The following RHBDF1 variants were observed in gnomAD, a reference collection of about 807,000 sequenced individuals.
RHBDF1 encodes the protein rhomboid 5 homolog 1, also known as inactive rhomboid protein 1.
Under a neutral mutation model 98.6 loss-of-function variants are expected in RHBDF1, and 80 were observed. The ratio of observed to expected loss-of-function variants is 0.81; its 90% CI spans 0.68 to 0.98. The LOEUF is 0.98. RHBDF1 is among the 50% of genes least tolerant of loss of function. RHBDF1 has a pLI of 0.00. For synonymous variants in RHBDF1, 512 were observed against 486.8 expected (o/e 1.05, Z -0.68); for missense variants, 1,116 against 1,198.3 (o/e 0.93, Z 1.01).
intron 17 of RHBDF1, 48 bp from the exon 18 acceptor site, chr16:58,807 C>T: frequency 1.3e-6 from 2 of 1,588,628 alleles, no homozygotes; most frequent in East Asian, 2.2e-5. Context: ...TGGGCAGGCC[C>T]CCTGGACCCA....
intron 1 of RHBDF1, among the ~76,000 whole-genome samples, chr16:71,753 C>T (rs572701329): frequency 3.3e-5 from 5 of 152,188 alleles, no homozygotes. Context: ...CCTGCCCATT[C>T]CCCGCCCAGC....
In RHBDF1 at chr16:61,297, ACGAGCGG is replaced by A; in HGVS notation, c.1396-23_1396-17del. On this transcript the variant is annotated splice_polypyrimidine_tract_variant and intron_variant, in intron 10 of 17. Transcript: ENST00000262316. ...TGAGGGCCTCCTGCGGGCGAGGGAG[ACGAGCGG>A]CCGCAGTCCGGGGCCTCCTGCCCCC... 1 of 1,542,020 alleles carries A rather than the reference ACGAGCGG, an allele frequency of 6.5e-7. No homozygotes were observed. Among genetic ancestry groups the A allele is most frequent in the Non-Finnish European group, 8.7e-7 (1 of 1,143,292 alleles).
chr16:68,386 C>A (rs1037202026), intron 1 of RHBDF1, among the ~76,000 whole-genome samples: 1 of 152,178 alleles, frequency 6.6e-6, no homozygotes, highest in East Asian at 1.9e-4. Flanking sequence ...GGCCAGGGAG[C>A]GGCACATTGC....
Position 63,668 on chromosome 16 carries a change from G to A in RHBDF1, c.381C>T (p.Pro127=). ...TGGTCAGCGACACGTTGTCCTGGCT[G>A]GGCAGGTCCAGCTCCCGGAGGACCT... is the stretch of plus-strand genomic sequence containing the variant. The part of the protein sequence containing the change: ...KPQVLRELDL[P]SQDNVSLTST... The change falls in exon 4 of 18, where the codon CCC becomes CCT. Residue 127 remains proline (P), a synonymous_variant. Transcript: ENST00000262316. 6.2e-7 allele frequency: 1 copy of A among 1,612,244 alleles called. No individual in the cohort carries two copies. Among genetic ancestry groups the A allele is most frequent in the Non-Finnish European group, 8.5e-7 (1 of 1,179,576 alleles).
intron 3 of RHBDF1, chr16:64,174 G>A (rs1897755597): frequency 9.2e-7 from 1 of 1,088,560 alleles, no homozygotes; most frequent in Non-Finnish European, 1.3e-6. Context: ...TACGGGCCCA[G>A]GCAGGCTGTC....
At chr16:60,785 A>G (rs1273874185) in intron 11 of RHBDF1, 1 of 569,680 alleles carries the variant, frequency 1.8e-6, no homozygotes, top group African/African-American at 1.9e-5. Flanking sequence ...GGACTACGGC[A>G]CTTCCACATA....
At chr16:74,516 T>C (rs549998561), upstream of RHBDF1, among the ~76,000 whole-genome samples, 7 of 152,204 alleles carry the variant, frequency 4.6e-5, no homozygotes, top group African/African-American at 1.7e-4. Context: ...TCACCTTCAG[T>C]GGGGAGCATG....
chr16:60,714 A>G, intron 11 of RHBDF1, 175 bp from the exon 12 acceptor site: 2 of 590,538 alleles, frequency 3.4e-6, no homozygotes, highest in South Asian at 4.1e-5. Flanking sequence ...GTTTGACGGC[A>G]TAATTCCTGT....
intron 13 of RHBDF1, 151 bp downstream of exon 13, chr16:60,065 T>G: frequency 6.7e-7 from 1 of 1,501,332 alleles, no homozygotes; most frequent in South Asian, 1.3e-5. Context: ...CGCTGGTTGA[T>G]GGACAGGCTG....
At position 58,403 on chromosome 16, in the gene RHBDF1, G is replaced by A. The variant is rs1197351309; in HGVS notation, c.2505C>T (p.Leu835=). ...ACTTGTCAGTGAAGGGGATGCAGGT[G>A]AGGAACTCACACCACTCACAGCGGA... The part of the protein sequence containing the change: ...YPVRCEWCEF[L]TCIPFTDKFC... Residue 835 remains leucine, a synonymous_variant, in exon 18 of 18, where the codon CTC becomes CTT. Transcript: ENST00000262316. 2 of 1,613,854 alleles carry A rather than the reference G, an allele frequency of 1.2e-6. No individual in the cohort carries two copies. Among genetic ancestry groups the A allele is most frequent in the East Asian group, 2.2e-5 (1 of 44,894 alleles).
rs1311384919 is a variant in RHBDF1, at chr16:59,741, G to C, written c.1808C>G (p.Thr603Ser). 1.2e-6 allele frequency: 2 copies of C among 1,613,942 alleles called. No homozygotes were observed. Among genetic ancestry groups the C allele is most frequent in the Non-Finnish European group, 8.5e-7 (1 of 1,179,990 alleles). Residue 603 changes from threonine to serine, a missense_variant, in exon 14 of 18, where the codon ACC becomes AGC. Physicochemically the swap from Thr to Ser is moderately conservative, Grantham distance 58. Transcript: ENST00000262316. ...VITGRPCCIG[T>S]KGRCEITSRE... ...TGGCACGCACACGTACCTGCCCTTG[G>C]TGCCAATGCAGCAGGGCCGTCCTGT...
chr16:67,305 T>A (rs1210687263), intron 1 of RHBDF1, among the ~76,000 whole-genome samples: 1 of 152,226 alleles, frequency 6.6e-6, no homozygotes. Context: ...GAGGCCATTA[T>A]GGGGGCCAGA....
At chr16:63,897 C>CAGGGGACTTCAAAGGCCCTCCT in intron 3 of RHBDF1, 97 bp from the exon 4 acceptor site, 1 of 1,005,940 alleles carries the variant, frequency 9.9e-7, no homozygotes. Flanking sequence ...TGCCCCCAGG[C>CAGGGGACTTCAAAGGCCCTCCT]CTGTAGTCAC....
chr16:64,522 G>A (rs1897769131), intron 3 of RHBDF1, 177 bp downstream of exon 3: 1 of 1,547,520 alleles, frequency 6.5e-7, no homozygotes, highest in Non-Finnish European at 8.7e-7. Flanking sequence ...GCAGGGTAGT[G>A]GGGTGAGAGC....
chr16:65,943 C>T (rs898492631), intron 1 of RHBDF1, among the ~76,000 whole-genome samples: 7 of 152,258 alleles, frequency 4.6e-5, no homozygotes, highest in East Asian at 1.9e-4. Flanking sequence ...ATGCCAGGCA[C>T]GGGGCCAGGG....
At chr16:68,870 G>A (rs1455293064) in intron 1 of RHBDF1, among the ~76,000 whole-genome samples, 1 of 152,226 alleles carries the variant, frequency 6.6e-6, no homozygotes, top group Non-Finnish European at 1.5e-5. Context: ...CACAGGTGCA[G>A]GGAGAGCCAG....
chr16:61,298 C>G lies in RHBDF1; in HGVS notation c.1396-17G>C. The G allele has an allele frequency of 3.9e-6, 6 of 1,541,642 alleles. No homozygotes were observed. Among genetic ancestry groups the G allele is most frequent in the Middle Eastern group, 2.2e-4 (1 of 4,588 alleles). On this transcript the variant is annotated splice_polypyrimidine_tract_variant and intron_variant, in intron 10 of 17. Coordinates refer to ENST00000262316, the MANE Select transcript of RHBDF1 (RefSeq NM_022450.5). ...GAGGGCCTCCTGCGGGCGAGGGAGA[C>G]GAGCGGCCGCAGTCCGGGGCCTCCT...
upstream of RHBDF1, chr16:73,836 G>A (rs1371572077): frequency 1.5e-6 from 1 of 652,748 alleles, no homozygotes; most frequent in Non-Finnish European, 1.9e-6. Flanking sequence ...TGTTGCACTT[G>A]AGGGCCCGAC....
chr16:60,782 G>C (rs190568890), intron 11 of RHBDF1: 2 of 571,876 alleles, frequency 3.5e-6, no homozygotes, highest in Middle Eastern at 9.1e-4. Context: ...TATGGACTAC[G>C]GCACTTCCAC....
Sources: gnomAD v4.1 joint callset for allele counts (sites outside exome capture counted in the v4.1 genomes callset) on GRCh38, gnomAD v4.1.1 for gene constraint, MANE v1.5 for transcripts, NCBI Gene and HGNC (gene_info 2026-07-23, HGNC 2026-07-21) for gene names.